Variants in USP14 observed in about 807,000 individuals in gnomAD.
The protein encoded by USP14 is ubiquitin carboxyl-terminal hydrolase 14.
Under a neutral mutation model 76.5 loss-of-function variants are expected in USP14, and 38 were observed. That is an observed-to-expected ratio of 0.50 (90% CI 0.38 to 0.65). USP14 has a LOEUF of 0.65. USP14 is among the 30% of genes least tolerant of loss of function. The pLI is 0.00. For missense variants in USP14, 467 were observed against 586.5 expected (o/e 0.80, Z 2.10); for synonymous variants, 192 against 191.7 (o/e 1.00, Z -0.01).
chr18:208,998 G>A (rs617421), intron 13 of USP14, among the ~76,000 whole-genome samples: 30,576 of 152,152 alleles, frequency 0.2, 3,232 homozygotes, highest in Non-Finnish European at 0.23. Flanking sequence ...CACTCGCCCC[G>A]GCGTAAGCCA....
intron 13 of USP14, among the ~76,000 whole-genome samples, chr18:207,787 C>T (rs1910567713): frequency 6.6e-6 from 1 of 152,064 alleles, no homozygotes; most frequent in African/African-American, 2.4e-5. Context: ...GTGTACAAGC[C>T]TTGGACATTT....
Position 207,320 on chromosome 18 carries a change from A to G in USP14, c.1164+2628A>G, listed in dbSNP as rs1372907899. ...CTGAGTCCCTTGCATTTCCATGTAT[A>G]TTTTAGGATCAGCTTGTCCATTTCT... is the stretch of plus-strand genomic sequence containing the variant. On this transcript the variant is annotated intron_variant, in intron 13 of 15. Coordinates refer to ENST00000261601, the MANE Select transcript of USP14 (RefSeq NM_005151.4). Among the ~76,000 whole-genome samples the G allele has an allele frequency of 1.4e-5, 2 of 144,824 alleles. 1 individual carries two copies. Among genetic ancestry groups the G allele is most frequent in the Non-Finnish European group, 3.1e-5 (2 of 63,900 alleles).
At chr18:196,040 C>T (rs1910222498) in intron 6 of USP14, among the ~76,000 whole-genome samples, 1 of 151,896 alleles carries the variant, frequency 6.6e-6, no homozygotes, top group Admixed American at 6.6e-5. Context: ...AATGTTTAAG[C>T]AGCTGGGTGT....
At chr18:159,592 A>G (rs1287547539) in intron 1 of USP14, among the ~76,000 whole-genome samples, 1 of 152,228 alleles carries the variant, frequency 6.6e-6, no homozygotes, top group Non-Finnish European at 1.5e-5. Context: ...TTTACAAAGC[A>G]TGATACGAAT....
intron 5 of USP14, among the ~76,000 whole-genome samples, chr18:186,700 C>T (rs529019624): frequency 2.2e-4 from 32 of 148,236 alleles, no homozygotes; most frequent in African/African-American, 7.0e-4. Context: ...TGCAGTGAGC[C>T]GAGATTGCAC....
Position 209,962 on chromosome 18 carries a change from T to C in USP14, c.1165-9T>C, listed in dbSNP as rs1910626100. 1 of 1,579,296 alleles carries C rather than the reference T, an allele frequency of 6.3e-7. No homozygotes were observed. Among genetic ancestry groups the C allele is most frequent in the South Asian group, 1.2e-5 (1 of 85,384 alleles). ...CATGATTTAAAATTAAACATTTTTT[T>C]CTCCTCAGAGTGACAAAAAGAGTAG... On this transcript the variant is annotated splice_polypyrimidine_tract_variant and intron_variant, in intron 13 of 15. Coordinates refer to ENST00000261601, the MANE Select transcript of USP14 (RefSeq NM_005151.4).
chr18:208,766 G>A (rs535814026), intron 13 of USP14, among the ~76,000 whole-genome samples: 43 of 152,200 alleles, frequency 2.8e-4, no homozygotes, highest in African/African-American at 9.9e-4. Flanking sequence ...ATTTATTTGA[G>A]ACTGAGTCTT....
At chr18:163,720 A>G (rs1909188041) in intron 2 of USP14, among the ~76,000 whole-genome samples, 1 of 151,940 alleles carries the variant, frequency 6.6e-6, no homozygotes, top group Admixed American at 6.6e-5. Context: ...AGGTTCTGAG[A>G]TACATATGCA....
intron 2 of USP14, among the ~76,000 whole-genome samples, chr18:165,648 G>C (rs535630005): frequency 6.6e-6 from 1 of 152,194 alleles, no homozygotes; most frequent in Non-Finnish European, 1.5e-5. Context: ...GTGTCAAAGA[G>C]GTTTAAGTAA....
intron 1 of USP14, among the ~76,000 whole-genome samples, chr18:161,429 A>C (rs918547982): frequency 3.3e-5 from 5 of 152,058 alleles, no homozygotes; most frequent in African/African-American, 1.2e-4. Flanking sequence ...CTAACACCTA[A>C]TCTTTTCTTG....
At chr18:200,715 C>T (rs907083741) in intron 10 of USP14, among the ~76,000 whole-genome samples, 13 of 152,158 alleles carry the variant, frequency 8.5e-5, no homozygotes, top group Non-Finnish European at 1.8e-4. Context: ...TGAACTGATA[C>T]CTTTTAATAG....
intron 3 of USP14, 73 bp downstream of exon 3, chr18:166,892 CT>C (rs1251242587): frequency 8.5e-6 from 12 of 1,404,230 alleles, no homozygotes; most frequent in South Asian, 2.5e-5. Context: ...TTCCAGATGA[CT>C]TTTTTTCATG....
chr18:166,423 C>T (rs910326087), intron 2 of USP14, among the ~76,000 whole-genome samples: 2 of 150,510 alleles, frequency 1.3e-5, no homozygotes, highest in African/African-American at 4.9e-5. Flanking sequence ...ACCTCTGCCT[C>T]CTGGGTTCAA....
chr18:177,581 T>G (rs564427612), intron 3 of USP14, among the ~76,000 whole-genome samples: 1 of 152,130 alleles, frequency 6.6e-6, no homozygotes, highest in African/African-American at 2.4e-5. Context: ...TTTCCTAATT[T>G]TAATCATCAT....
rs1240135915 is a variant in USP14 at position 211,285 on chromosome 18, TC to T, written c.*2del. Reference sequence around the variant, plus strand: ...AATGGAAGAGGAAAGTGAACAGTAATCTTCATTTTAGTATTTATGCTTAGAT... The same window carrying T: ...AATGGAAGAGGAAAGTGAACAGTAATTTCATTTTAGTATTTATGCTTAGAT... On this transcript the variant is annotated 3_prime_UTR_variant, in exon 16 of 16. Transcript: ENST00000261601. 6.2e-7 allele frequency: 1 copy of T among 1,602,748 alleles called. No individual in the cohort carries two copies. The highest frequency in any genetic ancestry group is 1.3e-5 in the African/African-American group (1 of 74,476).
At chr18:195,543 A>G (rs1910207693) in intron 6 of USP14, among the ~76,000 whole-genome samples, 2 of 152,236 alleles carry the variant, frequency 1.3e-5, no homozygotes, top group African/African-American at 4.8e-5. Flanking sequence ...AAATGGTTCG[A>G]AATCCAAGAG....
intron 1 of USP14, 115 bp downstream of exon 1, chr18:158,829 G>A: frequency 8.0e-7 from 1 of 1,256,396 alleles, no homozygotes. Context: ...GGGGTGGGGT[G>A]CGCGGGGCCG....
intron 8 of USP14, 49 bp downstream of exon 8, chr18:197,745 T>A (rs1158905988): frequency 7.0e-7 from 1 of 1,427,670 alleles, no homozygotes; most frequent in South Asian, 1.2e-5. Flanking sequence ...ACCTTGATTT[T>A]TTTTTTTATT....
chr18:202,926 A>G lies in USP14; in HGVS notation c.923A>G (p.Asn308Ser). The G allele has an allele frequency of 6.2e-7, 1 of 1,614,154 alleles. No individual in the cohort carries two copies. The highest frequency in any genetic ancestry group is 8.5e-7 in the Non-Finnish European group (1 of 1,179,998). The change falls in exon 11 of 16, where the codon AAT becomes AGT. Residue 308 changes from asparagine to serine, a missense_variant. Asn to Ser is a conservative substitution (Grantham distance 46, BLOSUM62 1). Coordinates refer to ENST00000261601, the MANE Select transcript of USP14 (RefSeq NM_005151.4). ...AAACAGTCTCCAACGTTGCAAAGAA[A>G]TGCCTTGTATATCAAATCTGTAAGT... ...ITKQSPTLQR[N>S]ALYIKSSKIS...
Sources: gnomAD v4.1 joint callset for allele counts (sites outside exome capture counted in the v4.1 genomes callset) on GRCh38, gnomAD v4.1.1 for gene constraint, MANE v1.5 for transcripts, NCBI Gene and HGNC (gene_info 2026-07-23, HGNC 2026-07-21) for gene names.